SNF8: variants seen among roughly 807,000 people sequenced by gnomAD.
SNF8 encodes vacuolar-sorting protein SNF8.
In SNF8, 19 loss-of-function variants were observed where a neutral mutation model predicts 36.8. The observed-to-expected ratio is 0.52, with a 90% CI of 0.36 to 0.76. The LOEUF (loss-of-function observed/expected upper bound fraction) is 0.76, where lower values mean the gene tolerates loss of function less well. Ranked by LOEUF, SNF8 falls within the 30% of genes least tolerant of loss-of-function variation. SNF8 has a pLI of 0.00. For synonymous variants in SNF8, 127 were observed against 127.4 expected, an observed-to-expected ratio of 1.00 and a Z score of 0.02; for missense variants, 268 against 322.9, an observed-to-expected ratio of 0.83 and a Z score of 1.30.
intron 2 of SNF8, among the ~76,000 whole-genome samples, chr17:48,942,635 G>A (rs536427024): frequency 2.4e-4 from 37 of 152,228 alleles, no homozygotes; most frequent in African/African-American, 8.7e-4. Context: ...ATGTCATGAT[G>A]GTGGTGTGGG....
At chr17:48,933,052 A>C in intron 6 of SNF8, 153 bp downstream of exon 6, 1 of 724,122 alleles carries the variant, frequency 1.4e-6, no homozygotes, top group East Asian at 2.7e-5. Context: ...TGCTCAATAA[A>C]TGTCTGCTGA....
intron 2 of SNF8, among the ~76,000 whole-genome samples, chr17:48,941,927 A>ATGTCT: frequency 6.6e-6 from 1 of 151,984 alleles, no homozygotes; most frequent in East Asian, 1.9e-4. Flanking sequence ...CTGACCTCAA[A>ATGTCT]CAGTCCATCT....
At chr17:48,939,267 G>GAAA (rs57826158) in intron 3 of SNF8, among the ~76,000 whole-genome samples, 2 of 91,506 alleles carry the variant, frequency 2.2e-5, no homozygotes, top group Non-Finnish European at 4.7e-5. Flanking sequence ...TCTGTCTCAA[G>GAAA]AAAAAAAAAA....
intron 1 of SNF8, 185 bp from the exon 2 acceptor site, chr17:48,944,160 G>C (rs924233760): frequency 9.3e-6 from 5 of 534,762 alleles, no homozygotes; most frequent in Non-Finnish European, 1.7e-5. Flanking sequence ...AAAATAGCCG[G>C]ACGTGGTGGT....
chr17:48,937,228 A>G lies in SNF8; in HGVS notation c.245-104T>C, dbSNP rs2040947966. 1.3e-5 allele frequency: 12 copies of G among 903,404 alleles called. No individual in the cohort carries two copies. The Admixed American group carries it at 1.4e-4, about 11-fold the overall frequency. The allele number at this position is 903,404 out of a possible 1,614,324, so 56.0% of individuals were successfully genotyped here. On this transcript the variant is annotated intron_variant, in intron 3 of 7. Coordinates refer to ENST00000502492, the MANE Select transcript of SNF8 (RefSeq NM_007241.4). ...CTATCATATGGGAAGTCTTCCCTGC[A>G]TGGCATGAAGTTCTTCTGCTCCATC... is the stretch of plus-strand genomic sequence containing the variant.
At chr17:48,933,466 G>T in intron 5 of SNF8, 120 bp from the exon 6 acceptor site, 1 of 1,134,112 alleles carries the variant, frequency 8.8e-7, no homozygotes, top group Admixed American at 2.0e-5. Flanking sequence ...ACTGCCAGGC[G>T]CAATGGCTCA....
At chr17:48,938,900 A>G (rs2040978925) in intron 3 of SNF8, among the ~76,000 whole-genome samples, 1 of 151,930 alleles carries the variant, frequency 6.6e-6, no homozygotes, top group African/African-American at 2.4e-5. Context: ...AGTAAATTAT[A>G]TAGTGCAATG....
intron 5 of SNF8, among the ~76,000 whole-genome samples, chr17:48,935,073 G>A (rs1461676277): frequency 6.6e-6 from 1 of 151,998 alleles, no homozygotes; most frequent in Non-Finnish European, 1.5e-5. Flanking sequence ...ATAATCTCAC[G>A]ACTATATACA....
intron 4 of SNF8, 92 bp from the exon 5 acceptor site, chr17:48,936,334 CA>C (rs765694259): frequency 1.5e-4 from 138 of 927,340 alleles, no homozygotes; most frequent in Middle Eastern, 1.1e-3. Context: ...CTACAAGTAG[CA>C]AATAACATTC....
At chr17:48,944,448 T>C (rs2041075311) in intron 1 of SNF8, among the ~76,000 whole-genome samples, 1 of 152,214 alleles carries the variant, frequency 6.6e-6, no homozygotes, top group African/African-American at 2.4e-5. Context: ...TCGACGACTG[T>C]AGATTTGTGA....
chr17:48,937,499 G>C (rs1052300393), intron 3 of SNF8, among the ~76,000 whole-genome samples: 1 of 152,038 alleles, frequency 6.6e-6, no homozygotes, highest in Non-Finnish European at 1.5e-5. Context: ...GAGTGGTGGC[G>C]TGCGCCTGTA....
intron 3 of SNF8, among the ~76,000 whole-genome samples, chr17:48,940,217 T>C (rs2040999568): frequency 6.6e-6 from 1 of 151,960 alleles, no homozygotes; most frequent in African/African-American, 2.4e-5. Context: ...ATTTTTATAC[T>C]TTTTGTAGAG....
Position 48,930,325 on chromosome 17 carries a change from A to G in SNF8, c.*150T>C, listed in dbSNP as rs952055589. The G allele has an allele frequency of 2.4e-6, 2 of 829,048 alleles. No individual in the cohort carries two copies. The highest frequency in any genetic ancestry group is 3.4e-5 in the African/African-American group (2 of 58,360). The allele number at this position is 829,048 out of a possible 1,614,324, so 51.4% of individuals were successfully genotyped here. A position where few individuals can be genotyped will look rare whatever the true frequency, so the allele number is the denominator to read the frequency against. ...GAGGTTTTCCTCCAATAAAAATGCA[A>G]CGTGAAGGCACTTTTCAAAAATAAA... On this transcript the variant is annotated 3_prime_UTR_variant, in exon 8 of 8. Coordinates refer to ENST00000502492, the MANE Select transcript of SNF8 (RefSeq NM_007241.4).
chr17:48,930,326 C>G lies in SNF8; in HGVS notation c.*149G>C. 1 of 849,680 alleles carries G rather than the reference C, an allele frequency of 1.2e-6. No individual in the cohort carries two copies. Among genetic ancestry groups the G allele is most frequent in the Non-Finnish European group, 1.7e-6 (1 of 591,206 alleles). 52.6% of individuals were successfully genotyped at this position (849,680 alleles called of 1,614,324 possible). On this transcript the variant is annotated 3_prime_UTR_variant, in exon 8 of 8. Coordinates refer to ENST00000502492, the MANE Select transcript of SNF8 (RefSeq NM_007241.4). ...AGGTTTTCCTCCAATAAAAATGCAA[C>G]GTGAAGGCACTTTTCAAAAATAAAA...
chr17:48,944,533 C>T (rs1164352837), intron 1 of SNF8, 148 bp downstream of exon 1: 2 of 909,246 alleles, frequency 2.2e-6, no homozygotes, highest in South Asian at 1.4e-5. Context: ...GCCAATCCAC[C>T]GGAAGCTGGA....
chr17:48,937,384 T>A, intron 3 of SNF8: 1 of 582,066 alleles, frequency 1.7e-6, no homozygotes, highest in South Asian at 1.5e-5. Context: ...TTCCAACACT[T>A]TGGGACATCG....
chr17:48,938,598 A>G (rs1173672284), intron 3 of SNF8, among the ~76,000 whole-genome samples: 1 of 152,074 alleles, frequency 6.6e-6, no homozygotes, highest in African/African-American at 2.4e-5. Flanking sequence ...CGCCAGGAGC[A>G]GTGGCTCACG....
intron 1 of SNF8, 114 bp downstream of exon 1, chr17:48,944,567 G>A (rs553482600): frequency 1.7e-6 from 2 of 1,201,546 alleles, no homozygotes; most frequent in African/African-American, 1.5e-5. Context: ...CCGGGGCCGA[G>A]AAGCCAGTCT....
chr17:48,931,936 G>A lies in SNF8; in HGVS notation c.565-219C>T, dbSNP rs145577688. ...GGTTCAATCCTAAAACTGGGGTACC[G>A]GCCAGGCACGGCAGCTCATGCCTGT... On this transcript the variant is annotated intron_variant, in intron 6 of 7. Coordinates refer to ENST00000502492, the MANE Select transcript of SNF8 (RefSeq NM_007241.4). The A allele has an allele frequency of 1.3e-3, 529 of 415,934 alleles. 7 individuals are homozygous for A. The East Asian group carries it at 0.018, about 14-fold the overall frequency. The allele number at this position is 415,934 out of a possible 1,614,324, so 25.8% of individuals were successfully genotyped here. A position where few individuals can be genotyped will look rare whatever the true frequency, so the allele number is the denominator to read the frequency against.
Sources: gnomAD v4.1 joint callset for allele counts (sites outside exome capture counted in the v4.1 genomes callset) on GRCh38, gnomAD v4.1.1 for gene constraint, MANE v1.5 for transcripts, NCBI Gene and HGNC (gene_info 2026-07-23, HGNC 2026-07-21) for gene names.